Variants in VPS13D observed in about 807,000 individuals in gnomAD.
VPS13D encodes the protein vacuolar protein sorting 13 homolog D, also known as intermembrane lipid transfer protein VPS13D.
In VPS13D, 187 loss-of-function variants were observed where a neutral mutation model predicts 461.9. That is an observed-to-expected ratio of 0.40 (90% CI 0.36 to 0.46). VPS13D has a LOEUF of 0.46. Ranked by LOEUF, VPS13D falls within the 20% of genes least tolerant of loss-of-function variation. The pLI is 0.60. For synonymous variants in VPS13D, 1,951 were observed against 1,986.3 expected, an observed-to-expected ratio of 0.98 and a Z score of 0.47; for missense variants, 4,711 against 5,364.9, an observed-to-expected ratio of 0.88 and a Z score of 3.81.
chr1:12,328,909 A>G (rs1188653921), intron 36 of VPS13D, among the ~76,000 whole-genome samples: 1 of 152,098 alleles, frequency 6.6e-6, no homozygotes, highest in Non-Finnish European at 1.5e-5. Flanking sequence ...CATTGTTTCG[A>G]TCTTGCCAGC....
chr1:12,457,952 A>G lies in VPS13D; in HGVS notation c.12466+1822A>G, dbSNP rs983274429. 5.3e-5 allele frequency among the ~76,000 whole-genome samples: 8 copies of G among 152,364 alleles called. No homozygotes were observed. The East Asian group carries it at 1.5e-3, about 29-fold the overall frequency. On this transcript the variant is annotated intron_variant, in intron 66 of 69. Transcript: ENST00000620676. ...ATTGGACTCTTAGAAGACTTTTAAA[A>G]TGAATATAAAATGCTTTGTTATGTG...
At chr1:12,236,015 A>G (rs2101179104) in intron 2 of VPS13D, among the ~76,000 whole-genome samples, 1 of 152,380 alleles carries the variant, frequency 6.6e-6, no homozygotes, top group Non-Finnish European at 1.5e-5. Flanking sequence ...ACAGAGTCGT[A>G]CTAACATTTC....
intron 26 of VPS13D, 120 bp downstream of exon 26, chr1:12,304,848 T>A: frequency 1.0e-6 from 1 of 983,898 alleles, no homozygotes; most frequent in Non-Finnish European, 1.5e-6. Context: ...AGCATTTCTT[T>A]AACGATGATG....
At position 12,276,994 on chromosome 1, in the gene VPS13D, G is replaced by T; in HGVS notation, c.3406G>T (p.Asp1136Tyr). The change falls in exon 19 of 70, where the codon GAT becomes TAT. Residue 1136 changes from aspartate to tyrosine, a missense_variant. Asp to Tyr is a radical substitution (Grantham distance 160). Around this residue, in one of 3 missense-constraint regions of VPS13D, gnomAD observed 4,411 missense variants for 4,937.8 expected, o/e 0.89. Coordinates refer to ENST00000620676, the MANE Select transcript of VPS13D (RefSeq NM_015378.4). This position sits in a 1 kb window ranked among gnomAD's most constrained non-coding sequence, Gnocchi z 4.5. ...LQKSFPKEKDDLSPQPLMTDF... is the reference protein window; with the variant it reads ...LQKSFPKEKDYLSPQPLMTDF... ...AAAATCCTTTCCCAAGGAAAAAGATGATTTAAGTCCTCAACCTTTAATGAC... is the reference window on the plus strand; with the variant it reads ...AAAATCCTTTCCCAAGGAAAAAGATTATTTAAGTCCTCAACCTTTAATGAC... The T allele has an allele frequency of 6.2e-7, 1 of 1,614,114 alleles. No homozygotes were observed. The highest frequency in any genetic ancestry group is 8.5e-7 in the Non-Finnish European group (1 of 1,180,026).
chr1:12,335,657 C>A, intron 38 of VPS13D, 48 bp from the exon 39 acceptor site: 2 of 1,559,530 alleles, frequency 1.3e-6, no homozygotes, highest in South Asian at 1.2e-5. Context: ...TGACTCGAAC[C>A]CTCCATCTTT....
At chr1:12,448,730 A>G (rs114030109) in intron 65 of VPS13D, among the ~76,000 whole-genome samples, 48 of 152,344 alleles carry the variant, frequency 3.2e-4, no homozygotes, top group Admixed American at 6.5e-4. Flanking sequence ...ACCTGTGTAC[A>G]TCCTGCTTAT....
rs35845304 is a variant in VPS13D at position 12,347,176 on chromosome 1, C to CT, written c.9069+536dup. On this transcript the variant is annotated intron_variant, in intron 44 of 69. Transcript: ENST00000620676. ...AAGGTTTGAAACAACATCAGGATTT[C>CT]TTTTTTTTTTTTGAGACGGAGTCTC... Among the ~76,000 whole-genome samples the CT allele has an allele frequency of 7.7e-4, 112 of 146,364 alleles. 2 individuals are homozygous for CT. The highest frequency in any genetic ancestry group is 3.6e-3 in the Middle Eastern group (1 of 276).
chr1:12,317,768 A>G (rs2101518938), intron 30 of VPS13D, among the ~76,000 whole-genome samples: 1 of 152,212 alleles, frequency 6.6e-6, no homozygotes, highest in Admixed American at 6.5e-5. Flanking sequence ...AAAAGAAATA[A>G]TGTCTTCAGG....
At chr1:12,475,900 A>C (rs1211112188) in intron 67 of VPS13D, among the ~76,000 whole-genome samples, 1 of 152,140 alleles carries the variant, frequency 6.6e-6, no homozygotes, top group Non-Finnish European at 1.5e-5. Flanking sequence ...AAAAAAAAAA[A>C]ACAAAAAACA....
At chr1:12,424,477 G>T (rs943636299) in intron 65 of VPS13D, among the ~76,000 whole-genome samples, 1 of 152,166 alleles carries the variant, frequency 6.6e-6, no homozygotes, top group Non-Finnish European at 1.5e-5. Context: ...GTGGGGGCCG[G>T]GGTAGAGTGG....
intron 16 of VPS13D, among the ~76,000 whole-genome samples, chr1:12,270,104 A>G (rs914992323): frequency 2.6e-5 from 4 of 152,004 alleles, no homozygotes; most frequent in African/African-American, 9.7e-5. Context: ...GCAGTGAGCT[A>G]TGATTACACC....
chr1:12,341,820 C>T lies in VPS13D; in HGVS notation c.8667C>T (p.Pro2889=). 1 of 1,613,986 alleles carries T rather than the reference C, an allele frequency of 6.2e-7. No homozygotes were observed. Among genetic ancestry groups the T allele is most frequent in the Non-Finnish European group, 8.5e-7 (1 of 1,179,966 alleles). Residue 2889 remains proline (P), a synonymous_variant, in exon 41 of 70, where the codon CCC becomes CCT. Transcript: ENST00000620676. ...CCAAGCGCCGGCAGCCATTTGTCCC[C>T]TTTGCTCTGAGGAACCACACGGGGT... ...KTPKRRQPFV[P]FALRNHTGCT...
chr1:12,363,676 C>T (rs932561066), intron 52 of VPS13D, among the ~76,000 whole-genome samples: 17 of 152,028 alleles, frequency 1.1e-4, no homozygotes, highest in Non-Finnish European at 8.8e-5. Flanking sequence ...TTAACCAGGC[C>T]GGGCGCAGTG....
intron 65 of VPS13D, among the ~76,000 whole-genome samples, chr1:12,426,893 A>G (rs1334018278): frequency 6.6e-6 from 1 of 152,132 alleles, no homozygotes; most frequent in Non-Finnish European, 1.5e-5. Flanking sequence ...AGGCGCCTGT[A>G]ATCCCAGCTA....
rs1487509611 is a variant in VPS13D, at chr1:12,363,185, C to T, written c.10386C>T (p.Pro3462=). ...TGTGTGTCAGACTGATGGACGTTCC[C>T]AATTGTATTTGGTCTGGAGGCTTTG... The part of the protein sequence containing the change: ...QLLCVRLMDV[P]NCIWSGGFEV... The change falls in exon 52 of 70, where the codon CCC becomes CCT. Residue 3462 remains proline, a synonymous_variant. Coordinates refer to ENST00000620676, the MANE Select transcript of VPS13D (RefSeq NM_015378.4). 4 of 1,614,156 alleles carry T rather than the reference C, an allele frequency of 2.5e-6. No individual in the cohort carries two copies. Among genetic ancestry groups the T allele is most frequent in the Non-Finnish European group, 3.4e-6 (4 of 1,180,034 alleles).
At chr1:12,315,417 A>AT (rs1040277269) in intron 30 of VPS13D, among the ~76,000 whole-genome samples, 11 of 152,144 alleles carry the variant, frequency 7.2e-5, no homozygotes, top group African/African-American at 1.9e-4. Context: ...AGACATTTAC[A>AT]TTTTTTTATG....
chr1:12,383,707 ACAGG>A (rs1644313233), intron 58 of VPS13D, among the ~76,000 whole-genome samples: 2 of 152,216 alleles, frequency 1.3e-5, no homozygotes, highest in Non-Finnish European at 2.9e-5. Flanking sequence ...ATGTTCATCA[ACAGG>A]TATTTACTGA....
intron 65 of VPS13D, among the ~76,000 whole-genome samples, chr1:12,418,052 G>A (rs1196347929): frequency 1.3e-5 from 2 of 152,098 alleles, no homozygotes; most frequent in African/African-American, 4.8e-5. Context: ...GATTACAGGT[G>A]CCCGGCACCA....
chr1:12,435,641 G>C (rs1035707237), intron 65 of VPS13D, among the ~76,000 whole-genome samples: 1 of 151,814 alleles, frequency 6.6e-6, no homozygotes, highest in East Asian at 1.9e-4. Context: ...GTTACAAGGA[G>C]AGCCAGGCTA....
Sources: gnomAD v4.1 joint callset for allele counts (sites outside exome capture counted in the v4.1 genomes callset) on GRCh38, gnomAD v4.1.1 for gene constraint, gnomAD v4.1.1 regional missense constraint, Gnocchi (gnomAD v3.1) non-coding constraint, MANE v1.5 for transcripts, NCBI Gene and HGNC (gene_info 2026-07-23, HGNC 2026-07-21) for gene names.